NHS: variants seen among roughly 807,000 people sequenced by gnomAD.
The protein encoded by NHS is NHS actin remodeling regulator, also known as actin remodeling regulator NHS.
In NHS, 5 loss-of-function variants were observed where a neutral mutation model predicts 72.5. That is an observed-to-expected ratio of 0.07 (90% CI 0.04 to 0.14). NHS has a LOEUF of 0.14. Ranked by LOEUF, NHS falls within the 10% of genes least tolerant of loss-of-function variation. The pLI, the probability that NHS is intolerant of heterozygous loss-of-function variation, is 1.00. For missense variants in NHS, 1,072 were observed against 1,355.7 expected (o/e 0.79, Z 3.29); for synonymous variants, 464 against 547.7 (o/e 0.85, Z 2.13).
intron 1 of NHS, among the ~76,000 whole-genome samples, chrX:17,516,563 ACACACGCG>A (rs1205250542): frequency 2.2e-3 from 188 of 86,229 alleles, no homozygotes; most frequent in African/African-American, 8.7e-3. Flanking sequence ...TACAACACAC[ACACACGCG>A]CACACACACA....
intron 1 of NHS, among the ~76,000 whole-genome samples, chrX:17,562,686 A>G (rs2065421780): frequency 8.9e-6 from 1 of 112,195 alleles, no homozygotes. Context: ...TTTTGGAATA[A>G]TAAACAAAGA....
intron 1 of NHS, among the ~76,000 whole-genome samples, chrX:17,484,050 G>A (rs1448159453): frequency 1.8e-5 from 2 of 112,317 alleles, no homozygotes; most frequent in Non-Finnish European, 1.9e-5. Context: ...GTAAAGGCTT[G>A]CAAGAGCCAA....
chrX:17,375,829 A>G lies in NHS; in HGVS notation c.72A>G (p.Ala24=). ...CRQRRPAPGP[A]VDASGGSAEP... Reference sequence around the variant, plus strand: ...AGCGGCGCCCTGCGCCCGGCCCAGCAGTGGACGCGAGCGGAGGCAGCGCTG... The same window carrying G: ...AGCGGCGCCCTGCGCCCGGCCCAGCGGTGGACGCGAGCGGAGGCAGCGCTG... Residue 24 remains alanine (A), a synonymous_variant, in exon 1 of 9, where the codon GCA becomes GCG. Transcript: ENST00000676302. The G allele has an allele frequency of 8.7e-7, 1 of 1,147,830 alleles. No homozygotes were observed. Among genetic ancestry groups the G allele is most frequent in the Non-Finnish European group, 1.1e-6 (1 of 869,636 alleles). 94.6% of individuals were successfully genotyped at this position (1,147,830 alleles called of 1,213,427 possible).
chrX:17,425,242 C>G (rs1360987051), intron 1 of NHS, among the ~76,000 whole-genome samples: 1 of 111,106 alleles, frequency 9.0e-6, no homozygotes, highest in Non-Finnish European at 1.9e-5. Flanking sequence ...GTCCGGTGAG[C>G]GTAGCTCAAC....
chrX:17,658,149 TC>T (rs767145646), intron 1 of NHS, among the ~76,000 whole-genome samples: 48 of 112,829 alleles, frequency 4.3e-4, no homozygotes, highest in African/African-American at 1.4e-3. Context: ...CCTGCTAGGC[TC>T]CCCTCATTAT....
Position 17,735,881 on chromosome X carries a change from A to T in NHS, c.*3417A>T, listed in dbSNP as rs1003997261. The T allele has an allele frequency of 8.9e-6, 1 of 112,631 alleles. No individual in the cohort carries two copies. Among genetic ancestry groups the T allele is most frequent in the African/African-American group, 3.2e-5 (1 of 30,811 alleles). The allele number at this position is 112,631 out of a possible 1,213,427, so 9.3% of individuals were successfully genotyped here. Reference sequence around the variant, plus strand: ...CACTTTAAGTCTTGTATTTATTTTTAGTAAAAATGGTGACAGTTTCATTGT... The same window carrying T: ...CACTTTAAGTCTTGTATTTATTTTTTGTAAAAATGGTGACAGTTTCATTGT... On this transcript the variant is annotated 3_prime_UTR_variant, in exon 9 of 9. Transcript: ENST00000676302.
intron 1 of NHS, among the ~76,000 whole-genome samples, chrX:17,592,826 A>G (rs2065609047): frequency 9.0e-6 from 1 of 111,442 alleles, no homozygotes; most frequent in African/African-American, 3.3e-5. Context: ...TGACACTGCC[A>G]AGCTGGGAAG....
At chrX:17,507,708 C>G (rs921607742) in intron 1 of NHS, among the ~76,000 whole-genome samples, 1 of 112,286 alleles carries the variant, frequency 8.9e-6, no homozygotes, top group Non-Finnish European at 1.9e-5. Context: ...TTGCCCAAGA[C>G]ATAGACAAAA....
chrX:17,726,275 G>T lies in NHS; in HGVS notation c.2169G>T (p.Trp723Cys). 3 of 1,211,915 alleles carry T rather than the reference G, an allele frequency of 2.5e-6. No homozygotes were observed. The highest frequency in any genetic ancestry group is 3.3e-6 in the Non-Finnish European group (3 of 895,559). ...ACAGCAACACAAGTGACAGTGAGTG[G>T]AATTACCTACACCACCACCATGATG... ...PNNSNTSDSE[W>C]NYLHHHHDAS... Residue 723 changes from tryptophan (W) to cysteine (C), a missense_variant, in exon 7 of 9, where the codon TGG becomes TGT. Transcript: ENST00000676302.
At chrX:17,642,071 G>A (rs370084987) in intron 1 of NHS, among the ~76,000 whole-genome samples, 22 of 111,068 alleles carry the variant, frequency 2.0e-4, no homozygotes, top group East Asian at 8.4e-4. Context: ...TCAGCTTCCC[G>A]AGTAGCTAGG....
At chrX:17,435,407 G>T (rs763467212) in intron 1 of NHS, among the ~76,000 whole-genome samples, 1 of 111,387 alleles carries the variant, frequency 9.0e-6, no homozygotes, top group African/African-American at 3.3e-5. Flanking sequence ...GGGGAAAATG[G>T]TTCATTGAGG....
At chrX:17,506,063 T>TGA (rs2065056125) in intron 1 of NHS, among the ~76,000 whole-genome samples, 3 of 112,103 alleles carry the variant, frequency 2.7e-5, no homozygotes, top group Non-Finnish European at 3.8e-5. Context: ...CCTCACTTTG[T>TGA]GGATCCCACA....
chrX:17,457,096 G>C (rs1224187499), intron 1 of NHS, among the ~76,000 whole-genome samples: 3 of 112,093 alleles, frequency 2.7e-5, no homozygotes, highest in Middle Eastern at 4.6e-3. Context: ...ACCCCTTTCT[G>C]TGTATCAAGT....
intron 2 of NHS, 150 bp from the exon 3 acceptor site, chrX:17,692,185 C>T: frequency 1.4e-6 from 1 of 697,070 alleles, no homozygotes; most frequent in African/African-American, 2.2e-5. Context: ...AAAAACCATT[C>T]TGAAAATCTT....
intron 1 of NHS, among the ~76,000 whole-genome samples, chrX:17,542,508 C>A (rs2065269531): frequency 8.8e-6 from 1 of 113,075 alleles, no homozygotes; most frequent in Admixed American, 9.3e-5. Context: ...GCTGTCATTA[C>A]AACTAATGCC....
intron 1 of NHS, among the ~76,000 whole-genome samples, chrX:17,425,213 A>G (rs1490049795): frequency 8.9e-6 from 1 of 111,871 alleles, no homozygotes; most frequent in Non-Finnish European, 1.9e-5. Flanking sequence ...GAGGAATGGC[A>G]GAGTTCATTC....
At chrX:17,506,183 G>A (rs988625949) in intron 1 of NHS, among the ~76,000 whole-genome samples, 2 of 111,087 alleles carry the variant, frequency 1.8e-5, no homozygotes, top group Non-Finnish European at 3.8e-5. Context: ...CCTAGAATCG[G>A]CACCCACAGG....
chrX:17,678,137 T>C (rs1444623549), intron 1 of NHS, among the ~76,000 whole-genome samples: 6 of 111,820 alleles, frequency 5.4e-5, no homozygotes, highest in Non-Finnish European at 9.4e-5. Context: ...AGAGTATATA[T>C]GCTATATCTC....
At chrX:17,382,183 C>G (rs753315497) in intron 1 of NHS, among the ~76,000 whole-genome samples, 46 of 111,381 alleles carry the variant, frequency 4.1e-4, no homozygotes, top group Non-Finnish European at 8.1e-4. Context: ...AATCATGTGT[C>G]GTGGTGGTTT....
Sources: allele counts gnomAD v4.1 joint callset (sites outside exome capture counted in the v4.1 genomes callset), GRCh38; gene constraint gnomAD v4.1.1; transcripts MANE v1.5; gene names NCBI Gene and HGNC (gene_info 2026-07-23, HGNC 2026-07-21).